MYO18A: variants seen among roughly 807,000 people sequenced by gnomAD.
MYO18A encodes the protein myosin XVIIIA.
A neutral mutation model predicts 235.8 loss-of-function variants in MYO18A; 78 were observed. The observed-to-expected ratio is 0.33, with a 90% CI of 0.28 to 0.40. MYO18A has a LOEUF of 0.40. Among genes scored for constraint, MYO18A ranks in the 10% least tolerant of loss-of-function variants. The pLI is 1.00. For missense variants in MYO18A, 2,215 were observed against 2,699.3 expected (o/e 0.82, Z 3.98); for synonymous variants, 977 against 1,077.8 (o/e 0.91, Z 1.83).
chr17:29,104,896 T>C (rs537120631), intron 20 of MYO18A, among the ~76,000 whole-genome samples: 2 of 152,010 alleles, frequency 1.3e-5, no homozygotes, highest in African/African-American at 2.4e-5. Context: ...AAAGTGCCAG[T>C]TGGGCCAGGC....
At chr17:29,097,454 C>G in intron 26 of MYO18A, 104 bp from the exon 27 acceptor site, 3 of 1,478,272 alleles carry the variant, frequency 2.0e-6, no homozygotes, top group Non-Finnish European at 2.8e-6. Flanking sequence ...TGGAGTCAGC[C>G]AGGGCTCAGA....
chr17:29,147,693 G>C (rs1176435728), intron 2 of MYO18A, among the ~76,000 whole-genome samples: 5 of 151,882 alleles, frequency 3.3e-5, no homozygotes, highest in African/African-American at 9.7e-5. Flanking sequence ...CTTCAGACCA[G>C]GAGTTCAAGA....
At position 29,120,336 on chromosome 17, in the gene MYO18A, GAAGT is replaced by G. The variant is rs139387429; in HGVS notation, c.1728+276_1728+279del. Among the ~76,000 whole-genome samples, 2,360 of 152,326 alleles carry G rather than the reference GAAGT, an allele frequency of 0.015. 71 individuals are homozygous for G. Among genetic ancestry groups the G allele is most frequent in the African/African-American group, 0.054 (2,225 of 41,568 alleles). On this transcript the variant is annotated intron_variant, in intron 7 of 41. Transcript: ENST00000527372. This position sits in a 1 kb window ranked among gnomAD's most constrained non-coding sequence, Gnocchi z 4.2. ...CCCGAGCATGAATCTCAGAAAGTGG[GAAGT>G]AAGGCTGAGGCCCAGCAGTAGAGTT... is the stretch of plus-strand genomic sequence containing the variant.
chr17:29,173,656 G>C (rs1360727065), intron 1 of MYO18A, among the ~76,000 whole-genome samples: 1 of 152,192 alleles, frequency 6.6e-6, no homozygotes, highest in Non-Finnish European at 1.5e-5. Flanking sequence ...AAAGTGCTGG[G>C]ATTACAGGCG....
At chr17:29,113,706 G>C (rs2066987922) in intron 15 of MYO18A, among the ~76,000 whole-genome samples, 1 of 152,188 alleles carries the variant, frequency 6.6e-6, no homozygotes, top group Non-Finnish European at 1.5e-5. Flanking sequence ...TCACCAGCTG[G>C]GGCCCGAGCC....
chr17:29,086,975 G>C lies in MYO18A; in HGVS notation c.5673C>G (p.Ala1891=), dbSNP rs1261869656. ...TGCGGCTCGCCTCGGCCTCCTTCCTGGCAAGCTCGCCCATCTCCTCCTTGG... is the reference window on the plus strand; with the variant it reads ...TGCGGCTCGCCTCGGCCTCCTTCCTCGCAAGCTCGCCCATCTCCTCCTTGG... ...RDTKEEMGEL[A]RKEAEASRKK... Residue 1891 remains alanine, a synonymous_variant, in exon 38 of 42, where the codon GCC becomes GCG. Transcript: ENST00000527372. 2 of 1,613,542 alleles carry C rather than the reference G, an allele frequency of 1.2e-6. No homozygotes were observed. The highest frequency in any genetic ancestry group is 2.7e-5 in the African/African-American group (2 of 74,938).
chr17:29,091,331 A>G, intron 34 of MYO18A: 1 of 332,616 alleles, frequency 3.0e-6, no homozygotes. Context: ...CTCCTGGCTT[A>G]GACTCTCATT....
chr17:29,087,422 A>G (rs2066282834), intron 37 of MYO18A, among the ~76,000 whole-genome samples: 1 of 152,226 alleles, frequency 6.6e-6, no homozygotes, highest in African/African-American at 2.4e-5. Flanking sequence ...TGTTCTGGGT[A>G]CAGCCTGGTG....
At chr17:29,135,727 G>A (rs2067582657) in intron 2 of MYO18A, among the ~76,000 whole-genome samples, 1 of 152,244 alleles carries the variant, frequency 6.6e-6, no homozygotes, top group East Asian at 1.9e-4. Context: ...GCTCTCCCCA[G>A]AGGAAATTCT....
chr17:29,076,682 G>A (rs1366130751), intron 41 of MYO18A: 1 of 152,198 alleles, frequency 6.6e-6, no homozygotes, highest in Non-Finnish European at 1.5e-5. Flanking sequence ...TGATGACTAT[G>A]CAATATAGAA....
At position 29,140,595 on chromosome 17, in the gene MYO18A, G is replaced by A; in HGVS notation, c.1000-18342C>T. ...GGAAGGAGAAGGCTCTTAGGGTAAA[G>A]CCATTGGGGTGGGGGGCAGGCAGTG... On this transcript the variant is annotated intron_variant, in intron 2 of 41. Coordinates refer to ENST00000527372, the MANE Select transcript of MYO18A (RefSeq NM_078471.4). This position sits in a 1 kb window ranked among gnomAD's most constrained non-coding sequence, Gnocchi z 4.2. The A allele has an allele frequency of 3.7e-6, 1 of 268,610 alleles. No individual in the cohort carries two copies. Among genetic ancestry groups the A allele is most frequent in the South Asian group, 3.5e-5 (1 of 28,770 alleles). 16.6% of individuals were successfully genotyped at this position (268,610 alleles called of 1,614,324 possible).
chr17:29,118,388 G>A lies in MYO18A; in HGVS notation c.1882C>T (p.Pro628Ser), dbSNP rs751938965. The change falls in exon 9 of 42, where the codon CCA becomes TCA. Residue 628 changes from proline (P) to serine (S), a missense_variant. Transcript: ENST00000527372. This position sits in a 1 kb window ranked among gnomAD's most constrained non-coding sequence, Gnocchi z 4.2. The part of the protein sequence containing the change: ...LAENNVFGIV[P>S]LAKPEEKQKA... Reference sequence around the variant, plus strand: ...CACAGACCCCTCACCTTGGCCAGTGGCACAATCCCAAACACATTGTTCTCT... The same window carrying A: ...CACAGACCCCTCACCTTGGCCAGTGACACAATCCCAAACACATTGTTCTCT... 3.7e-6 allele frequency: 6 copies of A among 1,605,106 alleles called. No homozygotes were observed. Among genetic ancestry groups the A allele is most frequent in the South Asian group, 3.3e-5 (3 of 90,498 alleles).
chr17:29,079,986 C>G (rs749103423), intron 41 of MYO18A: 1 of 985,948 alleles, frequency 1.0e-6, no homozygotes, highest in Non-Finnish European at 1.2e-6. Flanking sequence ...AGCGCCCCTT[C>G]TTCCGCCTCT....
At chr17:29,148,862 ACGG>A (rs1567633089) in intron 2 of MYO18A, among the ~76,000 whole-genome samples, 1 of 152,172 alleles carries the variant, frequency 6.6e-6, no homozygotes, top group East Asian at 1.9e-4. Context: ...CACCCTACGC[ACGG>A]GTCAGGCTCT....
intron 40 of MYO18A, among the ~76,000 whole-genome samples, chr17:29,085,170 G>T (rs575604278): frequency 1.3e-5 from 2 of 152,278 alleles, no homozygotes; most frequent in South Asian, 4.1e-4. Context: ...GATGAAACAC[G>T]CCCGCTTCTT....
chr17:29,090,217 G>A (rs1029400677), intron 36 of MYO18A, 119 bp from the exon 37 acceptor site: 1 of 1,197,150 alleles, frequency 8.4e-7, no homozygotes, highest in African/African-American at 1.5e-5. Flanking sequence ...GGATGCACCT[G>A]GGAGGAAAGA....
intron 2 of MYO18A, among the ~76,000 whole-genome samples, chr17:29,148,866 G>GCCC (rs1567633098): frequency 6.6e-6 from 1 of 152,198 alleles, no homozygotes; most frequent in East Asian, 1.9e-4. Context: ...CTACGCACGG[G>GCCC]TCAGGCTCTG....
At chr17:29,076,931 C>G (rs929270458) in intron 41 of MYO18A, 4 of 152,252 alleles carry the variant, frequency 2.6e-5, no homozygotes, top group Non-Finnish European at 5.9e-5. Context: ...AGCTCCAAGG[C>G]ACTGTAAATT....
Position 29,120,859 on chromosome 17 carries a change from C to A in MYO18A, c.1586-101G>T. ...GTATGAAGGCTTGGGGCCATTCAGA[C>A]CAGAACTGCCCGTGGACAGAGGGGT... On this transcript the variant is annotated intron_variant, in intron 6 of 41. Transcript: ENST00000527372. The surrounding 1 kb of genome is among the most constrained non-coding windows in gnomAD (Gnocchi z 4.2). 1.9e-6 allele frequency: 3 copies of A among 1,563,212 alleles called. No individual in the cohort carries two copies. Among genetic ancestry groups the A allele is most frequent in the South Asian group, 2.4e-5 (2 of 83,502 alleles).
Sources: allele counts gnomAD v4.1 joint callset (sites outside exome capture counted in the v4.1 genomes callset), GRCh38; gene constraint gnomAD v4.1.1; non-coding constraint Gnocchi (gnomAD v3.1); transcripts MANE v1.5; gene names NCBI Gene and HGNC (gene_info 2026-07-23, HGNC 2026-07-21).